Variants in ATP8B3 observed in about 807,000 individuals in gnomAD.
The protein encoded by ATP8B3 is ATPase phospholipid transporting 8B3.
A neutral mutation model predicts 140.9 loss-of-function variants in ATP8B3; 141 were observed. The observed-to-expected ratio is 1.00, with a 90% CI of 0.87 to 1.15. The LOEUF is 1.15. Ranked by LOEUF, ATP8B3 falls within the 50% of genes most tolerant of loss-of-function variation. ATP8B3 has a pLI of 0.00. For missense variants in ATP8B3, 1,874 were observed against 1,740.6 expected (o/e 1.08, Z -1.36); for synonymous variants, 765 against 714.6 (o/e 1.07, Z -1.13).
intron 14 of ATP8B3, 34 bp downstream of exon 14, chr19:1,799,913 G>A: frequency 6.4e-7 from 1 of 1,554,188 alleles, no homozygotes; most frequent in South Asian, 1.2e-5. Flanking sequence ...GAAGATCGAG[G>A]ACCCAGCTGG....
Position 1,791,861 on chromosome 19 carries a change from G to T in ATP8B3, c.2191C>A (p.Leu731Met). ...LQNRAQALQQ[L>M]LGATAIEDRL... ...TCCTCGATGGCTGTGGCTCCCAGCA[G>T]CTGGTGGGGGAGGAGGGCAGGGCGG... The change falls in exon 20 of 29, where the codon CTG becomes ATG. Residue 731 changes from leucine to methionine, a missense_variant and splice_region_variant. Leu to Met is a conservative substitution (Grantham distance 15). Around this residue, in one of 3 missense-constraint regions of ATP8B3, gnomAD observed 840 missense variants for 760.9 expected, o/e 1.10. Transcript: ENST00000310127. 6.2e-7 allele frequency: 1 copy of T among 1,610,536 alleles called. No individual in the cohort carries two copies. Among genetic ancestry groups the T allele is most frequent in the Non-Finnish European group, 8.5e-7 (1 of 1,179,536 alleles).
chr19:1,811,428 A>G, intron 2 of ATP8B3, 61 bp downstream of exon 2: 2 of 1,548,946 alleles, frequency 1.3e-6, no homozygotes, highest in Admixed American at 1.8e-5. Context: ...GCTCTCTAGC[A>G]GTGCCCTCCC....
In ATP8B3 at chr19:1,805,915, C is replaced by T. The variant is rs771004882; in HGVS notation, c.794G>A (p.Cys265Tyr). 12 of 1,612,854 alleles carry T rather than the reference C, an allele frequency of 7.4e-6. No individual in the cohort carries two copies. In the Admixed American group the frequency reaches 2.0e-4, roughly 27 times the overall value. Residue 265 changes from cysteine (C) to tyrosine (Y), a missense_variant, in exon 9 of 29, where the codon TGC becomes TAC. Physicochemically the swap from Cys to Tyr is radical, Grantham distance 194 (BLOSUM62 -2). Coordinates refer to ENST00000310127, the MANE Select transcript of ATP8B3 (RefSeq NM_138813.4). This position sits in a 1 kb window ranked among gnomAD's most constrained non-coding sequence, Gnocchi z 5.2. The stretch of plus-strand genomic sequence containing the variant: ...GTCAATGTCCACCGTCTCCACATAG[C>T]ACAGGCTGCTGGGCTCCGTGCTGGC... ...LLASTEPSSL[C>Y]YVETVDIDGE... is the part of the protein sequence containing the mutation.
chr19:1,800,817 CT>C lies in ATP8B3; in HGVS notation c.1153-369del, dbSNP rs57411081. ...TGGGCAATAGAGTGAGATAGAAAAA[CT>C]TTTTTTTTTTTAATTTTTTTTTTTT... On this transcript the variant is annotated intron_variant, in intron 12 of 28. Transcript: ENST00000310127. The surrounding 1 kb of genome is among the most constrained non-coding windows in gnomAD (Gnocchi z 4.4). Among the ~76,000 whole-genome samples the C allele has an allele frequency of 0.32, 45,816 of 144,356 alleles. 7,554 individuals carry two copies. Among genetic ancestry groups the C allele is most frequent in the East Asian group, 0.58 (2,843 of 4,900 alleles). 94.7% of individuals were successfully genotyped at this position (144,356 alleles called of 152,430 possible).
In ATP8B3 at chr19:1,800,073, T is replaced by G; in HGVS notation, c.1426A>C (p.Lys476Gln). Residue 476 changes from lysine (K) to glutamine (Q), a missense_variant, in exon 14 of 29, where the codon AAG (lysine) becomes CAG (glutamine). Coordinates refer to ENST00000310127, the MANE Select transcript of ATP8B3 (RefSeq NM_138813.4). The surrounding 1 kb of genome is among the most constrained non-coding windows in gnomAD (Gnocchi z 4.4). Reference protein sequence around the residue: ...MYYKPQDVPAKARSTSLNDHL... With the variant: ...MYYKPQDVPAQARSTSLNDHL... ...TCGTTGAGGCTGGTGCTGCGGGCCT[T>G]GGCAGGCACGTCCTGCGGCTTGTAG... 1 of 1,585,914 alleles carries G rather than the reference T, an allele frequency of 6.3e-7. No individual in the cohort carries two copies. Among genetic ancestry groups the G allele is most frequent in the South Asian group, 1.1e-5 (1 of 87,344 alleles).
At chr19:1,788,035 C>G (rs1484126162) in intron 24 of ATP8B3, among the ~76,000 whole-genome samples, 1 of 152,090 alleles carries the variant, frequency 6.6e-6, no homozygotes, top group African/African-American at 2.4e-5. Flanking sequence ...GAGTGAGACT[C>G]TGTCTCAAAA....
At chr19:1,809,537 G>A (rs1310127843) in intron 4 of ATP8B3, 106 bp downstream of exon 4, 12 of 907,298 alleles carry the variant, frequency 1.3e-5, no homozygotes, top group Admixed American at 5.5e-5. Flanking sequence ...GAAAACTATC[G>A]AGCAAATACA....
chr19:1,787,040 C>CGGAGGAGA, intron 25 of ATP8B3, 63 bp downstream of exon 25: 2 of 1,430,814 alleles, frequency 1.4e-6, no homozygotes, highest in Non-Finnish European at 9.6e-7. Flanking sequence ...CCCCAAGGAG[C>CGGAGGAGA]GGAGGAGAGG....
intron 16 of ATP8B3, 79 bp downstream of exon 16, chr19:1,796,632 G>A (rs902342610): frequency 1.4e-5 from 21 of 1,507,546 alleles, no homozygotes; most frequent in Middle Eastern, 2.4e-4. Context: ...AAGATGGGCC[G>A]GGTGAGCTGC....
rs767306012 is a variant in ATP8B3, at chr19:1,796,844, C to T, written c.1620G>A (p.Gly540=). The change falls in exon 16 of 29, where the codon GGG becomes GGA. Residue 540 remains glycine (G), a synonymous_variant. Coordinates refer to ENST00000310127, the MANE Select transcript of ATP8B3 (RefSeq NM_138813.4). ...NPYLWNKFAD[G]KLLFHNAALL... Reference sequence around the variant, plus strand: ...GGGCCGCATTGTGGAAGAGCAGCTTCCCGTCGGCGAACTTGTTCCAGAGGT... The same window carrying T: ...GGGCCGCATTGTGGAAGAGCAGCTTTCCGTCGGCGAACTTGTTCCAGAGGT... 4 of 1,612,524 alleles carry T rather than the reference C, an allele frequency of 2.5e-6. No individual in the cohort carries two copies. The highest frequency in any genetic ancestry group is 2.2e-5 in the South Asian group (2 of 91,060).
At chr19:1,801,259 C>T (rs2068839444) in intron 12 of ATP8B3, among the ~76,000 whole-genome samples, 1 of 152,054 alleles carries the variant, frequency 6.6e-6, no homozygotes, top group African/African-American at 2.4e-5. Context: ...TCAAGCGATT[C>T]TCCTGCCTCA....
rs1230783267 is a variant in ATP8B3 at position 1,802,533 on chromosome 19, G to A, written c.1017C>T (p.Cys339=). The A allele has an allele frequency of 6.2e-7, 1 of 1,607,318 alleles. No individual in the cohort carries two copies. The highest frequency in any genetic ancestry group is 2.2e-5 in the East Asian group (1 of 44,574). The change falls in exon 11 of 29, where the codon TGC becomes TGT. Residue 339 remains cysteine (C), a synonymous_variant. Transcript: ENST00000310127. Reference sequence around the variant, plus strand: ...AGCAGGTGTCTGTGTTGCGAATCCTGCAGCCTCGGAGGAGGAGGTTGCCAA... The same window carrying A: ...AGCAGGTGTCTGTGTTGCGAATCCTACAGCCTCGGAGGAGGAGGTTGCCAA... ...LDIGNLLLRG[C]RIRNTDTCYG...
rs933924830 is a variant in ATP8B3 at position 1,782,173 on chromosome 19, C to T, written c.*855G>A. 1.3e-5 allele frequency: 3 copies of T among 227,404 alleles called. No individual in the cohort carries two copies. The highest frequency in any genetic ancestry group is 2.6e-5 in the Non-Finnish European group (3 of 114,824). The allele number at this position is 227,404 out of a possible 1,614,324, so 14.1% of individuals were successfully genotyped here. ...GGCCCCCTGCATGCTGGTTGACTTG[C>T]AGCAGAACTGGCTGGAGCTTCTTCT... On this transcript the variant is annotated 3_prime_UTR_variant, in exon 29 of 29. Coordinates refer to ENST00000310127, the MANE Select transcript of ATP8B3 (RefSeq NM_138813.4).
rs56193578 is a variant in ATP8B3 at position 1,806,084 on chromosome 19, A to C, written c.750+13T>G. On this transcript the variant is annotated intron_variant, in intron 8 of 28. Transcript: ENST00000310127. This position sits in a 1 kb window ranked among gnomAD's most constrained non-coding sequence, Gnocchi z 5.6. ...CGCGTGGTTCTGGGACCTCGGGGTC[A>C]ACCCCAGCTCACTGGGACGATGTTG... is the stretch of plus-strand genomic sequence containing the variant. The C allele has an allele frequency of 0.2, 316,802 of 1,599,040 alleles. 31,959 individuals carry two copies. The highest frequency in any genetic ancestry group is 0.22 in the South Asian group (19,739 of 89,338).
At chr19:1,804,935 G>A (rs1468204799) in intron 10 of ATP8B3, among the ~76,000 whole-genome samples, 1 of 152,260 alleles carries the variant, frequency 6.6e-6, no homozygotes, top group African/African-American at 2.4e-5. Flanking sequence ...AACCAAACGT[G>A]ACTGTGTTAT....
rs537238210 is a variant in ATP8B3 at position 1,785,254 on chromosome 19, G to T, written c.3437C>A (p.Thr1146Asn). 2 of 1,609,750 alleles carry T rather than the reference G, an allele frequency of 1.2e-6. No individual in the cohort carries two copies. Among genetic ancestry groups the T allele is most frequent in the Middle Eastern group, 3.3e-4 (2 of 6,048 alleles). The change falls in exon 27 of 29, where the codon ACC becomes AAC. Residue 1146 changes from threonine (T) to asparagine (N), a missense_variant. Thr to Asn is a moderately conservative substitution (Grantham distance 65, BLOSUM62 0). Coordinates refer to ENST00000310127, the MANE Select transcript of ATP8B3 (RefSeq NM_138813.4). Reference protein sequence around the residue: ...IKYWTALCVATILLSLGFYAI... With the variant: ...IKYWTALCVANILLSLGFYAI... ...GTAGAAACCAAGGCTGAGGAGGATGGTCGCCACGCACAGGGCGGTCCAGTA... is the reference window on the plus strand; with the variant it reads ...GTAGAAACCAAGGCTGAGGAGGATGTTCGCCACGCACAGGGCGGTCCAGTA...
Position 1,793,931 on chromosome 19 carries a change from A to G in ATP8B3, c.2056-1796T>C, listed in dbSNP as rs574733523. 1.0e-3 allele frequency among the ~76,000 whole-genome samples: 155 copies of G among 152,018 alleles called. 1 individual carries two copies. The highest frequency in any genetic ancestry group is 3.4e-3 in the African/African-American group (142 of 41,452). On this transcript the variant is annotated intron_variant, in intron 18 of 28. Coordinates refer to ENST00000310127, the MANE Select transcript of ATP8B3 (RefSeq NM_138813.4). ...CTGATTTTGTAGTTTTAGTAGAGAC[A>G]GGGTTTCACCAGGTTGGTCAGGCTG...
chr19:1,789,402 AGG>A lies in ATP8B3; in HGVS notation c.2802_2803del (p.Leu935GlyfsTer92). 1 of 1,589,758 alleles carries A rather than the reference AGG, an allele frequency of 6.3e-7. No homozygotes were observed. ...GTCGTTGGCACCGTCCCCGATGGCCAGGGTCACCACCTGGTGGTACTTCTTGA... is the reference window on the plus strand; with the variant it reads ...GTCGTTGGCACCGTCCCCGATGGCCAGTCACCACCTGGTGGTACTTCTTGA... On this transcript the variant is annotated frameshift_variant, in exon 23 of 29. Transcript: ENST00000310127. LOFTEE classifies it high-confidence loss of function.
At chr19:1,796,560 C>T in intron 16 of ATP8B3, 151 bp downstream of exon 16, 4 of 1,069,196 alleles carry the variant, frequency 3.7e-6, no homozygotes, top group Non-Finnish European at 5.2e-6. Context: ...GCCCGGACGC[C>T]CTCGAGGTGC....
Sources: gnomAD v4.1 joint callset for allele counts (sites outside exome capture counted in the v4.1 genomes callset) on GRCh38, gnomAD v4.1.1 for gene constraint, gnomAD v4.1.1 regional missense constraint, Gnocchi (gnomAD v3.1) non-coding constraint, MANE v1.5 for transcripts, NCBI Gene and HGNC (gene_info 2026-07-23, HGNC 2026-07-21) for gene names.